The following TNN variants were observed in gnomAD, a reference collection of about 807,000 sequenced individuals.
The protein encoded by TNN is tenascin-N.
TNN carries 122 observed loss-of-function variants against 134.4 expected under a neutral mutation model. The observed-to-expected ratio is 0.91, with a 90% CI of 0.78 to 1.06. The LOEUF (loss-of-function observed/expected upper bound fraction) is 1.06, where lower values mean the gene tolerates loss of function less well. Among genes scored for constraint, TNN ranks in the 50% least tolerant of loss-of-function variants. The probability of loss-of-function intolerance (pLI) is 0.00; values close to 1 mark genes in which losing one functional copy is unlikely to be tolerated. For synonymous variants in TNN, 710 were observed against 670.3 expected, an observed-to-expected ratio of 1.06 and a Z score of -0.91; for missense variants, 1,739 against 1,699.4, an observed-to-expected ratio of 1.02 and a Z score of -0.41.
chr1:175,100,302 AC>A (rs1288230119), intron 9 of TNN, among the ~76,000 whole-genome samples: 16 of 152,244 alleles, frequency 1.1e-4, no homozygotes, highest in African/African-American at 3.9e-4. Flanking sequence ...AGTTGTGACA[AC>A]CAAAAGTGTC....
intron 9 of TNN, among the ~76,000 whole-genome samples, chr1:175,099,561 G>C (rs934731591): frequency 6.7e-6 from 1 of 149,868 alleles, no homozygotes; most frequent in Non-Finnish European, 1.5e-5. Context: ...GAGAGGTAAG[G>C]GTCCTGGAAG....
chr1:175,073,876 C>G (rs140227554), intron 1 of TNN, among the ~76,000 whole-genome samples: 1 of 152,132 alleles, frequency 6.6e-6, no homozygotes, highest in East Asian at 1.9e-4. Context: ...CTGCTGCAGT[C>G]GCCCCCTTGG....
intron 9 of TNN, among the ~76,000 whole-genome samples, chr1:175,116,048 T>A (rs980119488): frequency 8.6e-5 from 13 of 150,694 alleles, no homozygotes; most frequent in Non-Finnish European, 1.5e-4. Context: ...CTTTAGTTAT[T>A]TTTTTTTTAA....
chr1:175,144,052 G>A (rs1340750703), intron 17 of TNN, among the ~76,000 whole-genome samples: 1 of 152,172 alleles, frequency 6.6e-6, no homozygotes, highest in Non-Finnish European at 1.5e-5. Context: ...AGTGGGTAGA[G>A]TGGAGAGTGG....
rs1367904178 is a variant in TNN at position 175,077,494 on chromosome 1, G to C, written c.76G>C (p.Ala26Pro). 6.2e-7 allele frequency: 1 copy of C among 1,613,984 alleles called. No individual in the cohort carries two copies. Among genetic ancestry groups the C allele is most frequent in the Non-Finnish European group, 8.5e-7 (1 of 1,180,034 alleles). The change falls in exon 2 of 19, where the codon GCC becomes CCC. Residue 26 changes from alanine (A) to proline (P), a missense_variant. Transcript: ENST00000239462. ...GSVLLVASAP[A>P]TLEPPGCSNK... ...TGTGCTCCTGGTGGCTTCGGCCCCA[G>C]CCACTCTGGAGCCTCCCGGCTGCAG...
intron 6 of TNN, among the ~76,000 whole-genome samples, chr1:175,085,747 G>A (rs1284869914): frequency 6.6e-6 from 1 of 152,092 alleles, no homozygotes; most frequent in Non-Finnish European, 1.5e-5. Flanking sequence ...GGTGGCGCAT[G>A]CCTGTAATCC....
intron 16 of TNN, among the ~76,000 whole-genome samples, chr1:175,136,538 A>G (rs1675817090): frequency 6.6e-6 from 1 of 152,184 alleles, no homozygotes; most frequent in Non-Finnish European, 1.5e-5. Flanking sequence ...TAAATGGATG[A>G]TAAATACAAC....
At chr1:175,135,778 T>C in intron 15 of TNN, 67 bp from the exon 16 acceptor site, 1 of 1,310,982 alleles carries the variant, frequency 7.6e-7, no homozygotes, top group Non-Finnish European at 1.1e-6. Flanking sequence ...GCTCTTGGTC[T>C]TCTCTTGTCT....
chr1:175,112,513 A>G (rs1447610952), intron 9 of TNN, among the ~76,000 whole-genome samples: 1 of 136,588 alleles, frequency 7.3e-6, no homozygotes, highest in Admixed American at 8.1e-5. Flanking sequence ...CTTTGCATCT[A>G]TATGTGTTTC....
At chr1:175,144,577 G>C (rs777837773) in intron 18 of TNN, 27 bp downstream of exon 18, 44 of 1,610,764 alleles carry the variant, frequency 2.7e-5, no homozygotes, top group Non-Finnish European at 3.7e-5. Flanking sequence ...TGTCTTTTCT[G>C]TCCCAGGGTA....
intron 17 of TNN, among the ~76,000 whole-genome samples, chr1:175,143,518 G>GGGGTGTGTGTGT (rs1553321065): frequency 4.0e-5 from 6 of 148,642 alleles, no homozygotes; most frequent in South Asian, 2.3e-4. Flanking sequence ...TTTGTGTGTA[G>GGGGTGTGTGTGT]GTGTGTGTGT....
rs772676673 is a variant in TNN at position 175,147,088 on chromosome 1, T to C, written c.*17T>C. Reference sequence around the variant, plus strand: ...ACGTTCTGATGGCCCGTGTGAGCAGTCCTCGCAGGAGACACCACCAGCTGT... The same window carrying C: ...ACGTTCTGATGGCCCGTGTGAGCAGCCCTCGCAGGAGACACCACCAGCTGT... On this transcript the variant is annotated 3_prime_UTR_variant, in exon 19 of 19. Transcript: ENST00000239462. The C allele has an allele frequency of 6.5e-7, 1 of 1,549,114 alleles. No individual in the cohort carries two copies. The highest frequency in any genetic ancestry group is 8.7e-7 in the Non-Finnish European group (1 of 1,143,198).
At chr1:175,111,192 C>T (rs1269073383) in intron 9 of TNN, among the ~76,000 whole-genome samples, 2 of 152,136 alleles carry the variant, frequency 1.3e-5, no homozygotes, top group Non-Finnish European at 2.9e-5. Flanking sequence ...GTGGCAGGTG[C>T]CTGTAATCCC....
chr1:175,128,574 C>G lies in TNN; in HGVS notation c.3179-21C>G, dbSNP rs151337821. ...CCTCCTTGCCCTTGTCCTAACAACA[C>G]TCTCTCTGCTTGGCTCCCAGTTGGT... On this transcript the variant is annotated intron_variant, in intron 14 of 18. Coordinates refer to ENST00000239462, the MANE Select transcript of TNN (RefSeq NM_022093.2). 8,427 of 1,602,422 alleles carry G rather than the reference C, an allele frequency of 5.3e-3. 41 individuals are homozygous for G. The highest frequency in any genetic ancestry group is 6.6e-3 in the Non-Finnish European group (7,736 of 1,174,004).
chr1:175,118,802 G>A lies in TNN; in HGVS notation c.2628G>A (p.Lys876=). The A allele has an allele frequency of 1.2e-6, 2 of 1,614,220 alleles. No homozygotes were observed. The highest frequency in any genetic ancestry group is 1.6e-4 in the Middle Eastern group (1 of 6,062). ...AGAAGGGGAACCAGGAGAGCAAGAA[G>A]GCTGACACCAAGGCCCAGACAGGTA... The part of the protein sequence containing the change: ...WAQKGNQESK[K]ADTKAQTEID... Residue 876 remains lysine, a synonymous_variant, in exon 11 of 19, where the codon AAG becomes AAA. Transcript: ENST00000239462.
At chr1:175,099,208 C>T (rs1178617953) in intron 9 of TNN, among the ~76,000 whole-genome samples, 1 of 152,220 alleles carries the variant, frequency 6.6e-6, no homozygotes, top group Non-Finnish European at 1.5e-5. Flanking sequence ...AGGGGACATG[C>T]ACAATTTCTC....
At position 175,147,191 on chromosome 1, in the gene TNN, C is replaced by T. The variant is rs1490087884; in HGVS notation, c.*120C>T. 9.6e-6 allele frequency: 10 copies of T among 1,037,476 alleles called. No individual in the cohort carries two copies. The highest frequency in any genetic ancestry group is 1.3e-5 in the Non-Finnish European group (10 of 779,140). 64.3% of individuals were successfully genotyped at this position (1,037,476 alleles called of 1,614,324 possible). A position where few individuals can be genotyped will look rare whatever the true frequency, so the allele number is the denominator to read the frequency against. Reference sequence around the variant, plus strand: ...TAGCCCGCAGAACAAATCATGTCACCAAGCTTCAAGCCATGGAGGTTCCTT... The same window carrying T: ...TAGCCCGCAGAACAAATCATGTCACTAAGCTTCAAGCCATGGAGGTTCCTT... On this transcript the variant is annotated 3_prime_UTR_variant, in exon 19 of 19. Coordinates refer to ENST00000239462, the MANE Select transcript of TNN (RefSeq NM_022093.2).
chr1:175,102,691 C>A (rs990520780), intron 9 of TNN, among the ~76,000 whole-genome samples: 1 of 146,162 alleles, frequency 6.8e-6, no homozygotes, highest in African/African-American at 2.5e-5. Flanking sequence ...TCCCTCCACA[C>A]CTCCCCGCAA....
At chr1:175,120,396 A>C (rs969428177) in intron 11 of TNN, among the ~76,000 whole-genome samples, 4 of 152,268 alleles carry the variant, frequency 2.6e-5, no homozygotes, top group African/African-American at 7.2e-5. Context: ...TAGGATATAC[A>C]TAGACAGAAA....
Sources: allele counts gnomAD v4.1 joint callset (sites outside exome capture counted in the v4.1 genomes callset), GRCh38; gene constraint gnomAD v4.1.1; transcripts MANE v1.5; gene names NCBI Gene and HGNC (gene_info 2026-07-23, HGNC 2026-07-21).